DNAH11: variants seen among roughly 807,000 people sequenced by gnomAD.
DNAH11 encodes dynein axonemal heavy chain 11.
A neutral mutation model predicts 526.0 loss-of-function variants in DNAH11; 442 were observed. The ratio of observed to expected loss-of-function variants is 0.84; its 90% CI spans 0.78 to 0.91. The LOEUF (loss-of-function observed/expected upper bound fraction) is 0.91, where lower values mean the gene tolerates loss of function less well. Among genes scored for constraint, DNAH11 ranks in the 40% least tolerant of loss-of-function variants. DNAH11 has a pLI of 0.00. For synonymous variants in DNAH11, 2,461 were observed against 1,935.9 expected, an observed-to-expected ratio of 1.27 and a Z score of -7.12; for missense variants, 6,989 against 5,448.7, an observed-to-expected ratio of 1.28 and a Z score of -8.90.
intron 63 of DNAH11, among the ~76,000 whole-genome samples, chr7:21,811,117 C>G (rs1020573109): frequency 1.3e-5 from 2 of 152,290 alleles, no homozygotes; most frequent in Middle Eastern, 3.4e-3. Context: ...GAAGGAAATT[C>G]TGGTATGTGC....
chr7:21,700,045 AAAC>A (rs2128477609), intron 36 of DNAH11, among the ~76,000 whole-genome samples: 2 of 152,324 alleles, frequency 1.3e-5, no homozygotes, highest in South Asian at 4.1e-4. Flanking sequence ...TTATGTTACA[AAAC>A]TGTCAAAAGA....
Position 21,742,038 on chromosome 7 carries a change from C to A in DNAH11, c.8026C>A (p.Leu2676Ile), listed in dbSNP as rs957859983. 6.2e-7 allele frequency: 1 copy of A among 1,613,836 alleles called. No homozygotes were observed. The highest frequency in any genetic ancestry group is 8.5e-7 in the Non-Finnish European group (1 of 1,179,874). Residue 2676 changes from leucine (L) to isoleucine (I), a missense_variant, in exon 49 of 82, where the codon CTC becomes ATC. Transcript: ENST00000409508. ...FQQQAFAPSI[L>I]RSGPTLIQAT... ...ACAGCAAGCATTTGCTCCATCAATT[C>A]TCAGGAGTGGCCCCACTTTGATCCA...
At chr7:21,721,000 C>T in intron 44 of DNAH11, 144 bp downstream of exon 44, 1 of 1,068,996 alleles carries the variant, frequency 9.4e-7, no homozygotes, top group Non-Finnish European at 1.3e-6. Context: ...TCTATGCATT[C>T]TCTGGGTAGT....
intron 54 of DNAH11, among the ~76,000 whole-genome samples, chr7:21,757,932 C>T (rs1268610562): frequency 1.3e-5 from 2 of 152,222 alleles, no homozygotes; most frequent in Admixed American, 6.5e-5. Context: ...GAACCTTATC[C>T]TTGCAAGATT....
At chr7:21,678,664 C>G (rs939292033) in intron 30 of DNAH11, among the ~76,000 whole-genome samples, 4 of 151,944 alleles carry the variant, frequency 2.6e-5, no homozygotes, top group African/African-American at 9.7e-5. Flanking sequence ...GAGATTTTAA[C>G]AAATATAAAT....
At chr7:21,754,217 T>C (rs1488606072) in intron 54 of DNAH11, among the ~76,000 whole-genome samples, 1 of 152,224 alleles carries the variant, frequency 6.6e-6, no homozygotes, top group Non-Finnish European at 1.5e-5. Flanking sequence ...AATGTTTCAC[T>C]GTTAGGTCTT....
At chr7:21,855,938 G>A (rs1242864545) in intron 68 of DNAH11, among the ~76,000 whole-genome samples, 1 of 152,106 alleles carries the variant, frequency 6.6e-6, no homozygotes, top group Non-Finnish European at 1.5e-5. Flanking sequence ...GCTTTTACTG[G>A]GGGCTCAGGG....
rs1782661046 is a variant in DNAH11, at chr7:21,543,384, G to A, written c.139G>A (p.Ala47Thr). 1.5e-5 allele frequency: 23 copies of A among 1,551,936 alleles called. No individual in the cohort carries two copies. Among genetic ancestry groups the A allele is most frequent in the Non-Finnish European group, 2.0e-5 (23 of 1,147,116 alleles). The change falls in exon 1 of 82, where the codon GCC (alanine) becomes ACC (threonine). Residue 47 changes from alanine to threonine, a missense_variant. Ala to Thr is a moderately conservative substitution (Grantham distance 58). Transcript: ENST00000409508. ...EEEENEEEAA[A>T]RRARSFAQDA... The stretch of plus-strand genomic sequence containing the variant: ...GGAGGAGAACGAGGAGGAGGCGGCG[G>A]CCAGGAGAGCGCGGAGTTTCGCCCA...
At chr7:21,676,691 A>G (rs1182424341) in intron 30 of DNAH11, among the ~76,000 whole-genome samples, 1 of 152,228 alleles carries the variant, frequency 6.6e-6, no homozygotes, top group African/African-American at 2.4e-5. Context: ...AGGCAAGACA[A>G]TGCGTGTGAA....
intron 9 of DNAH11, among the ~76,000 whole-genome samples, chr7:21,587,492 A>T (rs1006445553): frequency 1.3e-5 from 2 of 152,192 alleles, no homozygotes; most frequent in Non-Finnish European, 2.9e-5. Context: ...GATTTGAGCC[A>T]GGACAGTCAT....
intron 28 of DNAH11, among the ~76,000 whole-genome samples, chr7:21,640,479 G>C (rs1787076806): frequency 6.8e-6 from 1 of 146,140 alleles, no homozygotes; most frequent in Non-Finnish European, 1.5e-5. Context: ...TAGCAGAGAG[G>C]TACATAAATC....
At chr7:21,663,310 C>G (rs1436469611) in intron 30 of DNAH11, among the ~76,000 whole-genome samples, 1 of 152,036 alleles carries the variant, frequency 6.6e-6, no homozygotes, top group Non-Finnish European at 1.5e-5. Flanking sequence ...CTTTCTGATG[C>G]AATGACTTAT....
chr7:21,689,758 C>A (rs1346235305), intron 34 of DNAH11, among the ~76,000 whole-genome samples: 1 of 152,198 alleles, frequency 6.6e-6, no homozygotes, highest in Non-Finnish European at 1.5e-5. Context: ...ACTGTGGTTT[C>A]TTTCTGTGTT....
chr7:21,833,563 C>T (rs1466700454), intron 65 of DNAH11, among the ~76,000 whole-genome samples: 2 of 152,078 alleles, frequency 1.3e-5, no homozygotes, highest in Non-Finnish European at 2.9e-5. Flanking sequence ...AGCATGATGG[C>T]ACACACCTGT....
chr7:21,627,452 G>C (rs144154824), intron 25 of DNAH11, among the ~76,000 whole-genome samples: 4 of 152,122 alleles, frequency 2.6e-5, no homozygotes, highest in Admixed American at 6.5e-5. Flanking sequence ...TTTGATTTTT[G>C]TTTACATTGA....
intron 68 of DNAH11, among the ~76,000 whole-genome samples, chr7:21,856,816 G>C (rs1782868775): frequency 6.6e-6 from 1 of 151,812 alleles, no homozygotes; most frequent in East Asian, 1.9e-4. Flanking sequence ...CTCAACTAAT[G>C]AATAGATGGT....
chr7:21,899,226 G>A (rs1215674056), intron 79 of DNAH11, 110 bp from the exon 80 acceptor site: 1 of 811,278 alleles, frequency 1.2e-6, no homozygotes, highest in Non-Finnish European at 2.2e-6. Context: ...GCTAGCAGTG[G>A]TATACTTCTC....
chr7:21,874,083 G>A (rs1183452843), intron 74 of DNAH11, among the ~76,000 whole-genome samples: 6 of 151,912 alleles, frequency 3.9e-5, no homozygotes, highest in East Asian at 1.9e-4. Context: ...GAGCCACCGC[G>A]CCTGGCCGGA....
intron 37 of DNAH11, 60 bp from the exon 38 acceptor site, chr7:21,704,374 G>GT: frequency 1.8e-5 from 27 of 1,491,440 alleles, no homozygotes; most frequent in Non-Finnish European, 2.1e-5. Context: ...AACATCTTTA[G>GT]TTTTTTAGGT....
Sources: gnomAD v4.1 joint callset for allele counts (sites outside exome capture counted in the v4.1 genomes callset) on GRCh38, gnomAD v4.1.1 for gene constraint, MANE v1.5 for transcripts, NCBI Gene and HGNC (gene_info 2026-07-23, HGNC 2026-07-21) for gene names.